The following SUGCT variants were observed in gnomAD, a reference collection of about 807,000 sequenced individuals.
The protein encoded by SUGCT is succinyl-CoA:glutarate CoA-transferase.
SUGCT carries 41 observed loss-of-function variants against 55.0 expected under a neutral mutation model. The ratio of observed to expected loss-of-function variants is 0.74; its 90% CI spans 0.58 to 0.97. SUGCT has a LOEUF of 0.97. Ranked by LOEUF, SUGCT falls within the 50% of genes least tolerant of loss-of-function variation. The pLI is 0.00. For missense variants in SUGCT, 568 were observed against 547.8 expected (o/e 1.04, Z -0.37); for synonymous variants, 187 against 200.4 (o/e 0.93, Z 0.56).
chr7:40,194,411 C>T (rs1355239200), intron 5 of SUGCT, among the ~76,000 whole-genome samples: 1 of 152,000 alleles, frequency 6.6e-6, no homozygotes, highest in Admixed American at 6.6e-5. Context: ...TAGGTATGCA[C>T]CACCGTGTCT....
At chr7:40,925,930 C>T in the SUGCT span, among the ~76,000 whole-genome samples, 1 of 151,944 alleles carries the variant, frequency 6.6e-6, no homozygotes, top group South Asian at 2.1e-4. Context: ...TCCATCTCTA[C>T]AAAAAATCCA....
At chr7:40,880,120 C>A in the SUGCT span, among the ~76,000 whole-genome samples, 1 of 152,166 alleles carries the variant, frequency 6.6e-6, no homozygotes, top group Admixed American at 6.5e-5. Context: ...TTTGGAGAAA[C>A]TAGGATATTT....
intron 11 of SUGCT, among the ~76,000 whole-genome samples, chr7:40,488,954 G>C (rs1309878387): frequency 6.6e-6 from 1 of 152,044 alleles, no homozygotes; most frequent in East Asian, 1.9e-4. Flanking sequence ...GCCTGATTTT[G>C]ATGAAATCTG....
At chr7:41,017,494 G>A in the SUGCT span, among the ~76,000 whole-genome samples, 1 of 152,170 alleles carries the variant, frequency 6.6e-6, no homozygotes. Flanking sequence ...CTGGAGGCCG[G>A]GTGCGGTGGC....
At chr7:41,025,750 A>C in the SUGCT span, among the ~76,000 whole-genome samples, 1 of 152,202 alleles carries the variant, frequency 6.6e-6, no homozygotes, top group Non-Finnish European at 1.5e-5. Context: ...AGGTGAAAAA[A>C]TGTTAAATTC....
intron 1 of SUGCT, among the ~76,000 whole-genome samples, chr7:40,164,435 T>C (rs941381530): frequency 2.0e-5 from 3 of 152,158 alleles, no homozygotes; most frequent in Non-Finnish European, 4.4e-5. Flanking sequence ...GCCTGAATTG[T>C]TTATGTAAAG....
At chr7:40,647,084 AG>A (rs1209443083) in intron 12 of SUGCT, among the ~76,000 whole-genome samples, 1 of 152,226 alleles carries the variant, frequency 6.6e-6, no homozygotes, top group Non-Finnish European at 1.5e-5. Flanking sequence ...GCAGCTTGAC[AG>A]GGCAAAGCAG....
chr7:40,982,321 A>C, the SUGCT span, among the ~76,000 whole-genome samples: 3 of 152,198 alleles, frequency 2.0e-5, no homozygotes, highest in African/African-American at 4.8e-5. Context: ...TTAGTCTTGA[A>C]CATATTATCC....
chr7:40,426,159 C>T (rs1403816672), intron 9 of SUGCT, among the ~76,000 whole-genome samples: 1 of 152,110 alleles, frequency 6.6e-6, no homozygotes, highest in Non-Finnish European at 1.5e-5. Flanking sequence ...ACTCGGTATT[C>T]AGAGTCCAAG....
chr7:40,195,052 C>T lies in SUGCT; in HGVS notation c.476C>T (p.Ser159Phe). 2 of 1,612,682 alleles carry T rather than the reference C, an allele frequency of 1.2e-6. No individual in the cohort carries two copies. The highest frequency in any genetic ancestry group is 2.2e-5 in the East Asian group (1 of 44,866). Reference sequence around the variant, plus strand: ...ATTGCTCCTCACATCATCTATTGTTCCATCACAGGTATTTCAACCCCACAC... The same window carrying T: ...ATTGCTCCTCACATCATCTATTGTTTCATCACAGGTATTTCAACCCCACAC... ...DEIAPHIIYC[S>F]ITGYGQTGPI... Residue 159 changes from serine (S) to phenylalanine (F), a missense_variant, in exon 6 of 14, where the codon TCC (serine) becomes TTC (phenylalanine). By Grantham distance (155) the Ser-to-Phe change is radical (BLOSUM62 -2). Coordinates refer to ENST00000335693, the MANE Select transcript of SUGCT (RefSeq NM_001193313.2).
chr7:40,504,769 CTT>C (rs1028864138), intron 12 of SUGCT, among the ~76,000 whole-genome samples: 32 of 152,218 alleles, frequency 2.1e-4, no homozygotes, highest in African/African-American at 7.7e-4. Flanking sequence ...GTTGAAAAGA[CTT>C]TTATTTTCTA....
intron 12 of SUGCT, among the ~76,000 whole-genome samples, chr7:40,662,211 C>T (rs533879783): frequency 5.3e-5 from 8 of 152,294 alleles, no homozygotes; most frequent in African/African-American, 1.7e-4. Flanking sequence ...GGTTCAACCT[C>T]CAAATTATAG....
intron 9 of SUGCT, among the ~76,000 whole-genome samples, chr7:40,417,597 AT>A (rs1205478036): frequency 6.6e-6 from 1 of 151,852 alleles, no homozygotes; most frequent in South Asian, 2.1e-4. Flanking sequence ...ATTTAAGCAT[AT>A]TTTTTGTTCA....
intron 12 of SUGCT, among the ~76,000 whole-genome samples, chr7:40,520,342 G>A (rs1411645936): frequency 2.0e-5 from 3 of 152,064 alleles, no homozygotes; most frequent in African/African-American, 7.2e-5. Context: ...GGTTTTTGTG[G>A]TTTTCTAAGA....
chr7:40,417,485 A>G (rs745918864), intron 9 of SUGCT, among the ~76,000 whole-genome samples: 3 of 151,830 alleles, frequency 2.0e-5, no homozygotes, highest in Non-Finnish European at 4.4e-5. Flanking sequence ...AATATTTAGC[A>G]ATTCCCAAAT....
At chr7:40,169,148 C>T (rs559907232) in intron 1 of SUGCT, among the ~76,000 whole-genome samples, 5 of 152,030 alleles carry the variant, frequency 3.3e-5, no homozygotes, top group South Asian at 2.1e-4. Context: ...TACCCTTTTT[C>T]CTTCTCCTAA....
chr7:40,705,456 G>A (rs1785353980), intron 12 of SUGCT, among the ~76,000 whole-genome samples: 1 of 152,116 alleles, frequency 6.6e-6, no homozygotes, highest in Non-Finnish European at 1.5e-5. Flanking sequence ...TTATTTTGGT[G>A]TTATTGAGAA....
At position 40,248,917 on chromosome 7, in the gene SUGCT, C is replaced by CAT. The variant is rs1373251072; in HGVS notation, c.576+11192_576+11193insTA. On this transcript the variant is annotated intron_variant, in intron 7 of 13. Transcript: ENST00000335693. ...ACACACACACACACACACGCACACA[C>CAT]ACACACACTCCCTCTCTCTCTGTCT... Among the ~76,000 whole-genome samples, 681 of 147,020 alleles carry CAT rather than the reference C, an allele frequency of 4.6e-3. 7 individuals carry two copies. Among genetic ancestry groups the CAT allele is most frequent in the African/African-American group, 0.016 (649 of 40,422 alleles).
At chr7:40,415,959 G>T (rs893402150) in intron 9 of SUGCT, among the ~76,000 whole-genome samples, 4 of 151,818 alleles carry the variant, frequency 2.6e-5, no homozygotes, top group Admixed American at 2.0e-4. Context: ...ACTTCCATAT[G>T]AACATTAACA....
Sources: allele counts gnomAD v4.1 joint callset (sites outside exome capture counted in the v4.1 genomes callset), GRCh38; gene constraint gnomAD v4.1.1; transcripts MANE v1.5; gene names NCBI Gene and HGNC (gene_info 2026-07-23, HGNC 2026-07-21).